The following KANK4 variants were observed in gnomAD, a reference collection of about 807,000 sequenced individuals.
KANK4 encodes KN motif and ankyrin repeat domain-containing protein 4.
In KANK4, 50 loss-of-function variants were observed where a neutral mutation model predicts 80.8. That is an observed-to-expected ratio of 0.62 (90% CI 0.49 to 0.78). The LOEUF (loss-of-function observed/expected upper bound fraction) is 0.78, where lower values mean the gene tolerates loss of function less well. Among genes scored for constraint, KANK4 ranks in the 30% least tolerant of loss-of-function variants. The pLI is 0.00. For synonymous variants in KANK4, 465 were observed against 506.9 expected, an observed-to-expected ratio of 0.92 and a Z score of 1.11; for missense variants, 1,196 against 1,240.1, an observed-to-expected ratio of 0.96 and a Z score of 0.53.
chr1:62,293,729 T>A (rs527811799), intron 1 of KANK4, among the ~76,000 whole-genome samples: 2 of 152,232 alleles, frequency 1.3e-5, no homozygotes, highest in South Asian at 4.1e-4. Flanking sequence ...GCCTAAGAGG[T>A]GGAATTCCAA....
At chr1:62,244,203 T>TA (rs200385132) in intron 9 of KANK4, among the ~76,000 whole-genome samples, 13 of 133,276 alleles carry the variant, frequency 9.8e-5, no homozygotes, top group African/African-American at 4.1e-4. Flanking sequence ...TTTTTTATTT[T>TA]TTTTTTTTTT....
At chr1:62,307,491 A>AAAG (rs1043936160) in intron 1 of KANK4, among the ~76,000 whole-genome samples, 3 of 151,784 alleles carry the variant, frequency 2.0e-5, no homozygotes, top group Non-Finnish European at 4.4e-5. Flanking sequence ...AAAAAAAAAA[A>AAAG]AAAAAAATTC....
chr1:62,291,864 C>T (rs1457965836), intron 1 of KANK4, among the ~76,000 whole-genome samples: 1 of 152,182 alleles, frequency 6.6e-6, no homozygotes, highest in Non-Finnish European at 1.5e-5. Context: ...ACCTTGGCCT[C>T]CCAAAGTGCT....
intron 1 of KANK4, among the ~76,000 whole-genome samples, chr1:62,284,483 T>C (rs1672519451): frequency 6.6e-6 from 1 of 152,164 alleles, no homozygotes; most frequent in Non-Finnish European, 1.5e-5. Flanking sequence ...CATGCCCAGC[T>C]AATTTTTGTA....
At chr1:62,265,254 T>C (rs937167989) in intron 6 of KANK4, among the ~76,000 whole-genome samples, 2 of 151,900 alleles carry the variant, frequency 1.3e-5, no homozygotes, top group Admixed American at 6.6e-5. Flanking sequence ...TTTCTCTGTG[T>C]TTTTGTGACA....
At position 62,274,561 on chromosome 1, in the gene KANK4, G is replaced by T. The variant is rs983991411; in HGVS notation, c.543C>A (p.Ser181Arg). 1.9e-6 allele frequency: 3 copies of T among 1,613,892 alleles called. No individual in the cohort carries two copies. In the African/African-American group the frequency reaches 4.0e-5, roughly 22 times the overall value. Residue 181 changes from serine to arginine, a missense_variant, in exon 3 of 10, where the codon AGC (serine) becomes AGA (arginine). Physicochemically the swap from Ser to Arg is moderately radical, Grantham distance 110 (BLOSUM62 -1). Coordinates refer to ENST00000371153, the MANE Select transcript of KANK4 (RefSeq NM_181712.5). ...HSRASEEPGL[S>R]LGPPAPPALP... ...GGGCAGGAGGGGCAGGGGGCCCCAG[G>T]CTCAGGCCTGGCTCCTCAGAAGCCC...
intron 1 of KANK4, among the ~76,000 whole-genome samples, chr1:62,291,537 G>T (rs1672678401): frequency 6.6e-6 from 1 of 152,182 alleles, no homozygotes; most frequent in Admixed American, 6.5e-5. Flanking sequence ...AAACGCCTGG[G>T]CTCTGCAATC....
At chr1:62,304,888 G>C (rs1048920316) in intron 1 of KANK4, among the ~76,000 whole-genome samples, 1 of 152,076 alleles carries the variant, frequency 6.6e-6, no homozygotes, top group Admixed American at 6.5e-5. Flanking sequence ...GGCCTCAGCT[G>C]CTTATCTGCT....
intron 1 of KANK4, among the ~76,000 whole-genome samples, chr1:62,309,435 A>G (rs965155552): frequency 2.0e-5 from 3 of 152,354 alleles, no homozygotes; most frequent in Non-Finnish European, 1.5e-5. Context: ...CAGGCAGTTT[A>G]GCTCAATAAA....
chr1:62,274,824 C>T lies in KANK4; in HGVS notation c.280G>A (p.Val94Met), dbSNP rs373246857. ...AAPPLQNWSP[V>M]VPREASLGTQ... Reference sequence around the variant, plus strand: ...CCAAGTGATGCCTCCCTTGGCACCACGGGAGACCAGTTTTGGAGGGGCGGG... The same window carrying T: ...CCAAGTGATGCCTCCCTTGGCACCATGGGAGACCAGTTTTGGAGGGGCGGG... Residue 94 changes from valine (V) to methionine (M), a missense_variant, in exon 3 of 10, where the codon GTG becomes ATG. Coordinates refer to ENST00000371153, the MANE Select transcript of KANK4 (RefSeq NM_181712.5). 3.0e-5 allele frequency: 48 copies of T among 1,613,908 alleles called. No homozygotes were observed. Among genetic ancestry groups the T allele is most frequent in the African/African-American group, 1.7e-4 (13 of 74,870 alleles).
At chr1:62,297,087 C>A (rs1644372533) in intron 1 of KANK4, among the ~76,000 whole-genome samples, 2 of 151,758 alleles carry the variant, frequency 1.3e-5, no homozygotes, top group Admixed American at 6.6e-5. Flanking sequence ...TGTGGTGATG[C>A]GCACCGATAG....
At chr1:62,309,866 G>T (rs1193300720) in intron 1 of KANK4, among the ~76,000 whole-genome samples, 1 of 152,192 alleles carries the variant, frequency 6.6e-6, no homozygotes. Context: ...TCAAAAGCGG[G>T]GAATTTCTCT....
chr1:62,302,173 T>G (rs966255918), intron 1 of KANK4, among the ~76,000 whole-genome samples: 8 of 152,028 alleles, frequency 5.3e-5, no homozygotes, highest in Non-Finnish European at 7.4e-5. Flanking sequence ...AAGCAGCAGA[T>G]GGGCTACGCT....
At position 62,274,717 on chromosome 1, in the gene KANK4, C is replaced by T; in HGVS notation, c.387G>A (p.Arg129=). Residue 129 remains arginine (R), a synonymous_variant, in exon 3 of 10, where the codon AGG becomes AGA. Coordinates refer to ENST00000371153, the MANE Select transcript of KANK4 (RefSeq NM_181712.5). ...STSRSEVSYH[R]KALLAEATRQ... is the part of the protein sequence containing the mutation. Reference sequence around the variant, plus strand: ...TGGTGGCCTCTGCCAACAGAGCCTTCCTGTGGTAGCTCACCTCACTCCTGC... The same window carrying T: ...TGGTGGCCTCTGCCAACAGAGCCTTTCTGTGGTAGCTCACCTCACTCCTGC... 6.2e-7 allele frequency: 1 copy of T among 1,614,202 alleles called. No individual in the cohort carries two copies.
chr1:62,242,250 A>G (rs1671359782), intron 9 of KANK4, among the ~76,000 whole-genome samples: 1 of 150,658 alleles, frequency 6.6e-6, no homozygotes, highest in African/African-American at 2.5e-5. Flanking sequence ...TAATCCCAAC[A>G]CTTTGGGAGG....
chr1:62,274,303 T>C lies in KANK4; in HGVS notation c.801A>G (p.Glu267=). 1.9e-6 allele frequency: 3 copies of C among 1,614,164 alleles called. No individual in the cohort carries two copies. Among genetic ancestry groups the C allele is most frequent in the Non-Finnish European group, 2.5e-6 (3 of 1,180,030 alleles). Reference sequence around the variant, plus strand: ...ACACCTCTGCTTCTCTGGCATTGTGTTCATCTTCCTTGTCCTCTAGAACTA... The same window carrying C: ...ACACCTCTGCTTCTCTGGCATTGTGCTCATCTTCCTTGTCCTCTAGAACTA... The part of the protein sequence containing the change: ...VLVVLEDKED[E]HNAREAEVLF... The change falls in exon 3 of 10, where the codon GAA becomes GAG. Residue 267 remains glutamate, a synonymous_variant. Transcript: ENST00000371153.
At chr1:62,281,458 T>C (rs1277039011) in intron 2 of KANK4, 91 bp downstream of exon 2, 3 of 1,507,768 alleles carry the variant, frequency 2.0e-6, no homozygotes, top group East Asian at 4.5e-5. Context: ...CCTGCAGGCC[T>C]TTCCTAGGCT....
chr1:62,253,212 G>A lies in KANK4; in HGVS notation c.2540-3C>T, dbSNP rs771874857. On this transcript the variant is annotated splice_region_variant and splice_polypyrimidine_tract_variant and intron_variant, in intron 7 of 9. Transcript: ENST00000371153. ...CTGATGGTCCACATTGCAGACGCCT[G>A]CAAGAGAAGCAATGGGTGCTGCAAA... 1.9e-6 allele frequency: 3 copies of A among 1,601,902 alleles called. No homozygotes were observed. The highest frequency in any genetic ancestry group is 1.1e-5 in the South Asian group (1 of 88,478).
intron 9 of KANK4, among the ~76,000 whole-genome samples, chr1:62,245,702 G>A (rs917141922): frequency 1.8e-4 from 28 of 152,106 alleles, no homozygotes; most frequent in Non-Finnish European, 3.8e-4. Flanking sequence ...AAGTGGGGTC[G>A]ATATCTATCT....
Sources: gnomAD v4.1 joint callset for allele counts (sites outside exome capture counted in the v4.1 genomes callset) on GRCh38, gnomAD v4.1.1 for gene constraint, MANE v1.5 for transcripts, NCBI Gene and HGNC (gene_info 2026-07-23, HGNC 2026-07-21) for gene names.